The following BASP1 variants were observed in gnomAD, a reference collection of about 807,000 sequenced individuals.
BASP1 encodes brain acid soluble protein 1.
In BASP1, 1 loss-of-function variant was observed where a neutral mutation model predicts 2.2. That is an observed-to-expected ratio of 0.46 (90% CI 0.16 to 2.17). BASP1 has a LOEUF of 2.17. Among genes scored for constraint, BASP1 ranks in the 30% most tolerant of loss-of-function variants. The pLI is 0.27. For synonymous variants in BASP1, 187 were observed against 154.2 expected (o/e 1.21, Z -1.58); for missense variants, 352 against 327.2 (o/e 1.08, Z -0.58).
rs55917297 is a variant in BASP1 at position 17,276,633 on chromosome 5, G to GAAAAAAAA, written c.*745_*752dup. On this transcript the variant is annotated 3_prime_UTR_variant, in exon 2 of 2. Transcript: ENST00000322611. ...GTTCTGTTTATTGGTCAGTGGAAAT[G>GAAAAAAAA]AAAAAAAAAAAAAAAAAAAGTCTGC... The GAAAAAAAA allele has an allele frequency of 3.8e-5, 4 of 105,026 alleles. No homozygotes were observed. Among genetic ancestry groups the GAAAAAAAA allele is most frequent in the African/African-American group, 4.0e-5 (1 of 24,696 alleles). The allele number at this position is 105,026 out of a possible 1,614,324, so 6.5% of individuals were successfully genotyped here. A position where few individuals can be genotyped will look rare whatever the true frequency, so the allele number is the denominator to read the frequency against.
At chr5:17,241,811 C>T (rs1739868360) in intron 1 of BASP1, among the ~76,000 whole-genome samples, 1 of 152,150 alleles carries the variant, frequency 6.6e-6, no homozygotes, top group African/African-American at 2.4e-5. Flanking sequence ...AGGAACAAAA[C>T]AGAAGCTCCA....
chr5:17,274,289 C>A (rs1740583905), intron 1 of BASP1, among the ~76,000 whole-genome samples: 1 of 152,134 alleles, frequency 6.6e-6, no homozygotes, highest in Admixed American at 6.5e-5. Flanking sequence ...ATGTCAGACA[C>A]AGCCAGCAAG....
At chr5:17,230,416 T>A (rs1349370025) in intron 1 of BASP1, among the ~76,000 whole-genome samples, 2 of 152,056 alleles carry the variant, frequency 1.3e-5, no homozygotes, top group African/African-American at 2.4e-5. Context: ...TCCATGACTA[T>A]AGAAACCAAG....
In BASP1 at chr5:17,275,340, C is replaced by G. The variant is rs778051272; in HGVS notation, c.124C>G (p.Pro42Ala). The G allele has an allele frequency of 1.2e-6, 2 of 1,607,302 alleles. No individual in the cohort carries two copies. Among genetic ancestry groups the G allele is most frequent in the East Asian group, 4.5e-5 (2 of 44,580 alleles). ...EEEGTPKESE[P>A]QAAAEPAEAK... The stretch of plus-strand genomic sequence containing the variant: ...GGAGGGGACCCCGAAGGAGAGTGAG[C>G]CCCAGGCGGCCGCAGAGCCCGCCGA... Residue 42 changes from proline (P) to alanine (A), a missense_variant, in exon 2 of 2, where the codon CCC becomes GCC. By Grantham distance (27) the Pro-to-Ala change is conservative. Coordinates refer to ENST00000322611, the MANE Select transcript of BASP1 (RefSeq NM_006317.5). This position sits in a 1 kb window ranked among gnomAD's most constrained non-coding sequence, Gnocchi z 5.3.
At chr5:17,272,318 G>A (rs529256102) in intron 1 of BASP1, among the ~76,000 whole-genome samples, 115 of 152,122 alleles carry the variant, frequency 7.6e-4, no homozygotes, top group Middle Eastern at 3.4e-3. Context: ...CCCCATTGCC[G>A]GCTTCTCAGT....
chr5:17,221,148 C>T (rs1209136366), intron 1 of BASP1, among the ~76,000 whole-genome samples: 2 of 152,116 alleles, frequency 1.3e-5, no homozygotes, highest in Admixed American at 1.3e-4. Flanking sequence ...TTCTGTCTTT[C>T]TAAATATGTG....
At chr5:17,258,226 C>T (rs906281200) in intron 1 of BASP1, among the ~76,000 whole-genome samples, 6 of 152,158 alleles carry the variant, frequency 3.9e-5, no homozygotes, top group Admixed American at 3.9e-4. Flanking sequence ...ACACTCACTT[C>T]TCGGTTAGAC....
intron 1 of BASP1, among the ~76,000 whole-genome samples, chr5:17,243,971 G>A (rs1343965903): frequency 1.3e-5 from 2 of 152,226 alleles, no homozygotes; most frequent in Non-Finnish European, 2.9e-5. Context: ...ATTGGATAAA[G>A]ATAATTTTTT....
Position 17,275,961 on chromosome 5 carries a change from C to A in BASP1, c.*61C>A, listed in dbSNP as rs904163594. On this transcript the variant is annotated 3_prime_UTR_variant, in exon 2 of 2. Coordinates refer to ENST00000322611, the MANE Select transcript of BASP1 (RefSeq NM_006317.5). This position sits in a 1 kb window ranked among gnomAD's most constrained non-coding sequence, Gnocchi z 5.3. ...AACAATCTCCTCTCTCTCTCTCTCT[C>A]TCTCTCTCTATCTCTCTCTCTATCT... The A allele has an allele frequency of 1.4e-6, 2 of 1,393,972 alleles. No individual in the cohort carries two copies. The highest frequency in any genetic ancestry group is 3.0e-5 in the African/African-American group (2 of 66,844). The allele number at this position is 1,393,972 out of a possible 1,614,324, so 86.4% of individuals were successfully genotyped here. A position where few individuals can be genotyped will look rare whatever the true frequency, so the allele number is the denominator to read the frequency against.
Position 17,247,270 on chromosome 5 carries a change from C to A in BASP1, c.-9-27938C>A, listed in dbSNP as rs534454749. On this transcript the variant is annotated intron_variant, in intron 1 of 1. Coordinates refer to ENST00000322611, the MANE Select transcript of BASP1 (RefSeq NM_006317.5). ...TGTCTTTTAAATGTCAGTTGGATTT[C>A]CGAATGTTGGATTCTTAAAGTTCTG... Among the ~76,000 whole-genome samples the A allele has an allele frequency of 1.3e-4, 20 of 152,330 alleles. No individual in the cohort carries two copies. The South Asian group carries it at 4.1e-3, about 32-fold the overall frequency.
chr5:17,244,186 C>T (rs1472982211), intron 1 of BASP1, among the ~76,000 whole-genome samples: 1 of 152,130 alleles, frequency 6.6e-6, no homozygotes, highest in Non-Finnish European at 1.5e-5. Flanking sequence ...TGAAAGGTGG[C>T]TTTAACACCA....
chr5:17,255,255 G>A (rs2962366), intron 1 of BASP1, among the ~76,000 whole-genome samples: 29,023 of 152,108 alleles, frequency 0.19, 3,058 homozygotes, highest in East Asian at 0.35. Context: ...AGGGACAGGT[G>A]TAGATTCACA....
In BASP1 at chr5:17,251,585, T is replaced by C. The variant is rs1740103157; in HGVS notation, c.-9-23623T>C. Among the ~76,000 whole-genome samples the C allele has an allele frequency of 6.6e-6, 1 of 152,212 alleles. No homozygotes were observed. Among genetic ancestry groups the C allele is most frequent in the Admixed American group, 6.5e-5 (1 of 15,282 alleles). The stretch of plus-strand genomic sequence containing the variant: ...GAGGTAGGGAAGAACAAAAGCTTTC[T>C]CAGAAGGCCATGCAGTATTTCAGCT... On this transcript the variant is annotated intron_variant, in intron 1 of 1. Coordinates refer to ENST00000322611, the MANE Select transcript of BASP1 (RefSeq NM_006317.5). This position sits in a 1 kb window ranked among gnomAD's most constrained non-coding sequence, Gnocchi z 4.0.
intron 1 of BASP1, among the ~76,000 whole-genome samples, chr5:17,226,512 C>A (rs1163063850): frequency 6.6e-6 from 1 of 152,132 alleles, no homozygotes; most frequent in East Asian, 1.9e-4. Context: ...AAAACAGTAT[C>A]CACTGACAGA....
At position 17,251,335 on chromosome 5, in the gene BASP1, C is replaced by T. The variant is rs1740098325; in HGVS notation, c.-9-23873C>T. 6.6e-6 allele frequency among the ~76,000 whole-genome samples: 1 copy of T among 152,082 alleles called. No homozygotes were observed. The highest frequency in any genetic ancestry group is 1.5e-5 in the Non-Finnish European group (1 of 68,030). On this transcript the variant is annotated intron_variant, in intron 1 of 1. Coordinates refer to ENST00000322611, the MANE Select transcript of BASP1 (RefSeq NM_006317.5). This position sits in a 1 kb window ranked among gnomAD's most constrained non-coding sequence, Gnocchi z 4.0. The stretch of plus-strand genomic sequence containing the variant: ...TATACATCAATACAAAAGCATTAAA[C>T]ATCCCAAATACCCTGATTTTATTAT...
At chr5:17,238,600 C>G (rs1234996311) in intron 1 of BASP1, among the ~76,000 whole-genome samples, 1 of 152,180 alleles carries the variant, frequency 6.6e-6, no homozygotes, top group Admixed American at 6.5e-5. Flanking sequence ...ACTGAGGCAT[C>G]ACCGCATTCA....
intron 1 of BASP1, among the ~76,000 whole-genome samples, chr5:17,237,039 G>T (rs574736893): frequency 1.3e-5 from 2 of 152,136 alleles, no homozygotes; most frequent in Non-Finnish European, 2.9e-5. Context: ...CTTGATGGAG[G>T]TATTGTAAAG....
In BASP1 at chr5:17,275,012, T is replaced by G. The variant is rs1025790712; in HGVS notation, c.-9-196T>G. 6.6e-6 allele frequency among the ~76,000 whole-genome samples: 1 copy of G among 151,928 alleles called. No individual in the cohort carries two copies. Among genetic ancestry groups the G allele is most frequent in the Non-Finnish European group, 1.5e-5 (1 of 67,994 alleles). On this transcript the variant is annotated intron_variant, in intron 1 of 1. Coordinates refer to ENST00000322611, the MANE Select transcript of BASP1 (RefSeq NM_006317.5). This position sits in a 1 kb window ranked among gnomAD's most constrained non-coding sequence, Gnocchi z 5.3. ...CCACGGCATTCCAGCCTGGGTAACATAGCGAGACCCTGTCTCAAAAATAAA... is the reference window on the plus strand; with the variant it reads ...CCACGGCATTCCAGCCTGGGTAACAGAGCGAGACCCTGTCTCAAAAATAAA...
intron 1 of BASP1, among the ~76,000 whole-genome samples, chr5:17,221,363 ATGTTTTTT>A (rs950476083): frequency 2.1e-5 from 3 of 140,392 alleles, no homozygotes; most frequent in African/African-American, 8.1e-5. Context: ...TCTCTTGTAA[ATGTTTTTT>A]TTTTTTTTTT....
Sources: allele counts gnomAD v4.1 joint callset (sites outside exome capture counted in the v4.1 genomes callset), GRCh38; gene constraint gnomAD v4.1.1; non-coding constraint Gnocchi (gnomAD v3.1); transcripts MANE v1.5; gene names NCBI Gene and HGNC (gene_info 2026-07-23, HGNC 2026-07-21).